The following PPP1R36 variants were observed in gnomAD, a reference collection of about 807,000 sequenced individuals.
PPP1R36 encodes the protein chromosome 14 open reading frame 50.
PPP1R36 carries 47 observed loss-of-function variants against 53.4 expected under a neutral mutation model. That is an observed-to-expected ratio of 0.88 (90% CI 0.70 to 1.12). The LOEUF is 1.12. PPP1R36 is among the 50% of genes most tolerant of loss of function. The probability of loss-of-function intolerance (pLI) is 0.00; values close to 1 mark genes in which losing one functional copy is unlikely to be tolerated. For missense variants in PPP1R36, 456 were observed against 513.9 expected, an observed-to-expected ratio of 0.89 and a Z score of 1.09; for synonymous variants, 153 against 170.5, an observed-to-expected ratio of 0.90 and a Z score of 0.80.
At chr14:64,564,645 A>T in intron 3 of PPP1R36, 106 bp from the exon 4 acceptor site, 1 of 700,390 alleles carries the variant, frequency 1.4e-6, no homozygotes, top group South Asian at 1.9e-5. Flanking sequence ...TGTGTCTCAG[A>T]TCTGCTGATA....
chr14:64,585,280 G>A (rs1325036047), intron 8 of PPP1R36, among the ~76,000 whole-genome samples: 2 of 152,142 alleles, frequency 1.3e-5, no homozygotes, highest in African/African-American at 4.8e-5. Flanking sequence ...CTTTGGGAGG[G>A]TGAGGTAGGT....
chr14:64,553,280 A>G (rs2080112234), intron 3 of PPP1R36, among the ~76,000 whole-genome samples: 1 of 152,162 alleles, frequency 6.6e-6, no homozygotes, highest in African/African-American at 2.4e-5. Context: ...ACTAATTTTC[A>G]GTGCTAATCT....
chr14:64,564,966 A>G, intron 4 of PPP1R36, 129 bp downstream of exon 4: 1 of 655,604 alleles, frequency 1.5e-6, no homozygotes. Context: ...CATCAAAGAA[A>G]GAACATGTGC....
At position 64,565,371 on chromosome 14, in the gene PPP1R36, G is replaced by C; in HGVS notation, c.284G>C (p.Arg95Thr). 6.2e-7 allele frequency: 1 copy of C among 1,612,276 alleles called. No homozygotes were observed. The highest frequency in any genetic ancestry group is 8.5e-7 in the Non-Finnish European group (1 of 1,178,790). The change falls in exon 5 of 12, where the codon AGA becomes ACA. Residue 95 changes from arginine (R) to threonine (T), a missense_variant. Coordinates refer to ENST00000298705, the MANE Select transcript of PPP1R36 (RefSeq NM_172365.3). ...TTCCAAAACAGGTTGACAGATAAAA[G>C]ACTTGCTGCAAAAGATGATAAGTCA... ...GPASDRLTDK[R>T]LAAKDDKSAK...
chr14:64,576,026 G>T (rs1232491338), intron 8 of PPP1R36, among the ~76,000 whole-genome samples: 1 of 149,218 alleles, frequency 6.7e-6, no homozygotes, highest in African/African-American at 2.5e-5. Flanking sequence ...TAATATTTTT[G>T]ATAGTTTAAA....
intron 6 of PPP1R36, 90 bp from the exon 7 acceptor site, chr14:64,568,259 G>A: frequency 2.0e-6 from 1 of 509,258 alleles, no homozygotes; most frequent in Non-Finnish European, 3.4e-6. Context: ...TTATTCTTGT[G>A]TTGTGTGCTC....
At chr14:64,572,644 C>T (rs1179782867) in intron 7 of PPP1R36, among the ~76,000 whole-genome samples, 1 of 152,156 alleles carries the variant, frequency 6.6e-6, no homozygotes, top group African/African-American at 2.4e-5. Flanking sequence ...GACCCAGACT[C>T]CTGAGCCAGA....
At chr14:64,568,105 A>T (rs1456520754) in intron 6 of PPP1R36, among the ~76,000 whole-genome samples, 1 of 152,224 alleles carries the variant, frequency 6.6e-6, no homozygotes. Flanking sequence ...TTAATTAGTA[A>T]GCACAACTAT....
intron 6 of PPP1R36, 62 bp downstream of exon 6, chr14:64,565,754 G>A (rs1475015516): frequency 4.9e-6 from 6 of 1,226,132 alleles, no homozygotes; most frequent in Non-Finnish European, 7.2e-6. Flanking sequence ...AACTTCATCT[G>A]ATAAGTGATG....
intron 3 of PPP1R36, among the ~76,000 whole-genome samples, chr14:64,557,074 T>G (rs1455606209): frequency 6.6e-6 from 1 of 152,084 alleles, no homozygotes; most frequent in East Asian, 1.9e-4. Flanking sequence ...TCAAGCAATC[T>G]GCCTGCCTCA....
chr14:64,571,218 C>G (rs982810234), intron 7 of PPP1R36, among the ~76,000 whole-genome samples: 1 of 152,078 alleles, frequency 6.6e-6, no homozygotes. Context: ...CTCTGCCTCC[C>G]GGGTTCAAGT....
intron 3 of PPP1R36, among the ~76,000 whole-genome samples, chr14:64,553,230 C>G (rs1232260528): frequency 6.6e-6 from 1 of 152,178 alleles, no homozygotes; most frequent in Admixed American, 6.5e-5. Flanking sequence ...GCTGGGACTA[C>G]AGGTGTGAGC....
chr14:64,578,208 C>A (rs2080358931), intron 8 of PPP1R36, among the ~76,000 whole-genome samples: 1 of 152,200 alleles, frequency 6.6e-6, no homozygotes, highest in African/African-American at 2.4e-5. Context: ...CCTGCCTCGG[C>A]CTCCCAAAGT....
intron 7 of PPP1R36, among the ~76,000 whole-genome samples, 195 bp downstream of exon 7, chr14:64,568,642 A>G (rs200675063): frequency 6.6e-6 from 1 of 152,236 alleles, no homozygotes; most frequent in East Asian, 1.9e-4. Context: ...AAATATTCCA[A>G]CTGATACAGA....
chr14:64,574,021 A>G (rs989486035), intron 7 of PPP1R36, among the ~76,000 whole-genome samples: 7 of 150,754 alleles, frequency 4.6e-5, no homozygotes, highest in African/African-American at 1.7e-4. Flanking sequence ...TTCCTATACC[A>G]TTGCTTAAAT....
chr14:64,565,561 T>C (rs2080244965), intron 5 of PPP1R36, 65 bp from the exon 6 acceptor site: 2 of 1,470,076 alleles, frequency 1.4e-6, no homozygotes, highest in Non-Finnish European at 1.9e-6. Context: ...TACATAAACG[T>C]ATCTTGTGTG....
intron 3 of PPP1R36, 82 bp downstream of exon 3, chr14:64,552,943 C>G (rs1566647097): frequency 1.6e-6 from 2 of 1,253,522 alleles, no homozygotes; most frequent in East Asian, 4.8e-5. Flanking sequence ...TGTTAAAGCA[C>G]AAGAGAATGT....
At chr14:64,587,159 T>G (rs545239210) in intron 9 of PPP1R36, 35 bp from the exon 10 acceptor site, 1 of 1,533,420 alleles carries the variant, frequency 6.5e-7, no homozygotes, top group East Asian at 2.3e-5. Context: ...ATTTCACAGC[T>G]AAGGATCGTG....
chr14:64,565,487 A>T, intron 5 of PPP1R36, 33 bp downstream of exon 5: 1 of 1,514,962 alleles, frequency 6.6e-7, no homozygotes, highest in Non-Finnish European at 9.2e-7. Flanking sequence ...ATACATAAAC[A>T]TACATCTGTA....
Sources: allele counts gnomAD v4.1 joint callset (sites outside exome capture counted in the v4.1 genomes callset), GRCh38; gene constraint gnomAD v4.1.1; transcripts MANE v1.5; gene names NCBI Gene and HGNC (gene_info 2026-07-23, HGNC 2026-07-21).